The following PRKACB variants were observed in gnomAD, a reference collection of about 807,000 sequenced individuals.
The protein encoded by PRKACB is cAMP-dependent protein kinase catalytic subunit beta.
Under a neutral mutation model 51.4 loss-of-function variants are expected in PRKACB, and 16 were observed. The ratio of observed to expected loss-of-function variants is 0.31; its 90% confidence interval spans 0.21 to 0.47. PRKACB has a LOEUF of 0.47. Ranked by LOEUF, PRKACB falls within the 20% of genes least tolerant of loss-of-function variation. The probability of loss-of-function intolerance (pLI) is 1.00; values close to 1 mark genes in which losing one functional copy is unlikely to be tolerated. For synonymous variants in PRKACB, 147 were observed against 154.4 expected (o/e 0.95, Z 0.35); for missense variants, 309 against 464.5 (o/e 0.67, Z 3.08).
chr1:84,127,882 A>G (rs557879702), intron 1 of PRKACB, among the ~76,000 whole-genome samples: 7 of 152,164 alleles, frequency 4.6e-5, no homozygotes, highest in African/African-American at 1.4e-4. Flanking sequence ...ACTTAGTGGG[A>G]ATTTTTTGTT....
chr1:84,093,512 A>T (rs1402747064), intron 1 of PRKACB, among the ~76,000 whole-genome samples: 1 of 152,086 alleles, frequency 6.6e-6, no homozygotes, highest in Admixed American at 6.6e-5. Context: ...ATGAATTCAT[A>T]TAACTTTATA....
intron 1 of PRKACB, among the ~76,000 whole-genome samples, chr1:84,150,782 T>C (rs1358721359): frequency 2.6e-5 from 4 of 152,136 alleles, no homozygotes; most frequent in African/African-American, 7.2e-5. Flanking sequence ...AATAAATCTC[T>C]TTATAAATTA....
intron 9 of PRKACB, among the ~76,000 whole-genome samples, chr1:84,224,033 C>A (rs1477944525): frequency 6.6e-6 from 1 of 152,120 alleles, no homozygotes; most frequent in African/African-American, 2.4e-5. Context: ...GGCAGTTTAG[C>A]TTTTATTCTG....
chr1:84,123,562 A>C (rs1057308119), intron 1 of PRKACB, among the ~76,000 whole-genome samples: 3 of 152,188 alleles, frequency 2.0e-5, no homozygotes, highest in Non-Finnish European at 2.9e-5. Flanking sequence ...GGAAGGCTTA[A>C]AACTTTTGGA....
chr1:84,128,077 C>T (rs1259224168), intron 1 of PRKACB, among the ~76,000 whole-genome samples: 6 of 129,018 alleles, frequency 4.7e-5, no homozygotes, highest in East Asian at 2.2e-4. Context: ...GGTGTGATCT[C>T]GGCTCACTGC....
chr1:84,213,880 G>A (rs1672490972), intron 8 of PRKACB, among the ~76,000 whole-genome samples: 3 of 152,144 alleles, frequency 2.0e-5, no homozygotes, highest in African/African-American at 7.2e-5. Context: ...CTGTAGGTGT[G>A]CACATTTTTC....
Position 84,235,354 on chromosome 1 carries a change from TGA to T in PRKACB, c.*54_*55del. ...CTCACACTCAGTGTTTGCACTCTGT[TGA>T]GAGATAAGGTAGAGCTGAGACCGTC... On this transcript the variant is annotated 3_prime_UTR_variant, in exon 10 of 10. Transcript: ENST00000370685. The T allele has an allele frequency of 6.2e-7, 1 of 1,610,638 alleles. No individual in the cohort carries two copies. The highest frequency in any genetic ancestry group is 8.5e-7 in the Non-Finnish European group (1 of 1,178,364).
chr1:84,203,444 A>C (rs1425455722), intron 8 of PRKACB, among the ~76,000 whole-genome samples: 1 of 151,834 alleles, frequency 6.6e-6, no homozygotes, highest in Non-Finnish European at 1.5e-5. Flanking sequence ...ATAACCTCTA[A>C]TTTGCTTTCA....
At chr1:84,160,997 G>A (rs758544876) in intron 1 of PRKACB, among the ~76,000 whole-genome samples, 4 of 151,718 alleles carry the variant, frequency 2.6e-5, no homozygotes, top group Non-Finnish European at 5.9e-5. Context: ...TTTTGATGGT[G>A]TTATTTAAGT....
chr1:84,176,529 ATAAT>A lies in PRKACB; in HGVS notation c.188-2645_188-2642del, dbSNP rs1361285147. On this transcript the variant is annotated intron_variant, in intron 1 of 9. Transcript: ENST00000370685. ...TTTTGATTAACTTATATTTTTACAA[ATAAT>A]TATGTTTATCTTTGCATCTACATAG... Among the ~76,000 whole-genome samples the A allele has an allele frequency of 2.0e-5, 3 of 151,804 alleles. No individual in the cohort carries two copies. The East Asian group carries it at 5.8e-4, about 30-fold the overall frequency.
intron 1 of PRKACB, among the ~76,000 whole-genome samples, chr1:84,109,048 T>G (rs1268071470): frequency 6.6e-6 from 1 of 151,994 alleles, no homozygotes; most frequent in Non-Finnish European, 1.5e-5. Context: ...ACAATTTGTT[T>G]GTGGGATTCA....
chr1:84,184,181 T>G, intron 4 of PRKACB, 46 bp downstream of exon 4: 1 of 1,519,172 alleles, frequency 6.6e-7, no homozygotes, highest in African/African-American at 1.4e-5. Flanking sequence ...ACCTAAATTT[T>G]TTTTAAGATG....
chr1:84,159,834 G>C (rs1334614675), intron 1 of PRKACB, among the ~76,000 whole-genome samples: 2 of 152,034 alleles, frequency 1.3e-5, no homozygotes, highest in East Asian at 3.9e-4. Context: ...TGCATATATT[G>C]AGATGATTAT....
intron 1 of PRKACB, among the ~76,000 whole-genome samples, chr1:84,105,463 A>G (rs1300945063): frequency 3.3e-5 from 5 of 152,210 alleles, no homozygotes; most frequent in Non-Finnish European, 7.3e-5. Context: ...TTTTCCATTC[A>G]TCATTACCTA....
intron 1 of PRKACB, among the ~76,000 whole-genome samples, chr1:84,097,479 G>T (rs1411432848): frequency 2.0e-5 from 3 of 151,996 alleles, no homozygotes; most frequent in Non-Finnish European, 4.4e-5. Context: ...ATTAATAAGG[G>T]TTCTCCAGAG....
chr1:84,232,636 T>C (rs991409863), intron 9 of PRKACB, among the ~76,000 whole-genome samples: 49 of 152,220 alleles, frequency 3.2e-4, no homozygotes, highest in African/African-American at 1.2e-3. Context: ...TTAGCTCTTC[T>C]TGTTGAATTG....
intron 9 of PRKACB, among the ~76,000 whole-genome samples, chr1:84,229,813 T>C (rs1336511042): frequency 6.6e-6 from 1 of 152,114 alleles, no homozygotes; most frequent in Non-Finnish European, 1.5e-5. Context: ...TTTGAGTTCA[T>C]TGTAGATTCT....
intron 1 of PRKACB, among the ~76,000 whole-genome samples, chr1:84,110,555 A>G (rs1650145075): frequency 6.6e-6 from 1 of 151,900 alleles, no homozygotes; most frequent in Admixed American, 6.6e-5. Context: ...CTTTGTGTTT[A>G]CGCCTCAAAT....
intron 1 of PRKACB, among the ~76,000 whole-genome samples, chr1:84,150,884 C>A (rs1200727847): frequency 6.6e-6 from 1 of 152,152 alleles, no homozygotes; most frequent in Non-Finnish European, 1.5e-5. Context: ...GAGAATTTAA[C>A]TCCATTCTTA....
Sources: allele counts gnomAD v4.1 joint callset (sites outside exome capture counted in the v4.1 genomes callset), GRCh38; gene constraint gnomAD v4.1.1; transcripts MANE v1.5; gene names NCBI Gene and HGNC (gene_info 2026-07-23, HGNC 2026-07-21).